SGTB: variants seen among roughly 807,000 people sequenced by gnomAD.
The protein encoded by SGTB is small glutamine rich tetratricopeptide repeat co-chaperone beta.
SGTB carries 19 observed loss-of-function variants against 43.9 expected under a neutral mutation model. The ratio of observed to expected loss-of-function variants is 0.43; its 90% CI spans 0.30 to 0.63. The LOEUF is 0.63. Ranked by LOEUF, SGTB falls within the 30% of genes least tolerant of loss-of-function variation. SGTB has a pLI of 0.12. For synonymous variants in SGTB, 116 were observed against 117.3 expected (o/e 0.99, Z 0.07); for missense variants, 304 against 358.9 (o/e 0.85, Z 1.24).
chr5:65,702,393 C>T (rs937628124), intron 5 of SGTB, among the ~76,000 whole-genome samples: 1 of 152,202 alleles, frequency 6.6e-6, no homozygotes, highest in African/African-American at 2.4e-5. Flanking sequence ...AATACCTAGA[C>T]TTCTCTCTTC....
intron 10 of SGTB, among the ~76,000 whole-genome samples, chr5:65,670,690 C>T (rs754868367): frequency 4.6e-5 from 7 of 152,112 alleles, no homozygotes; most frequent in South Asian, 4.1e-4. Context: ...TGCTTTTATA[C>T]CCAAGTCTTA....
At chr5:65,696,686 G>A (rs1223278038) in intron 5 of SGTB, among the ~76,000 whole-genome samples, 2 of 152,162 alleles carry the variant, frequency 1.3e-5, no homozygotes, top group Admixed American at 1.3e-4. Context: ...ATAAGCATAC[G>A]ATAAAACATA....
chr5:65,716,662 A>G (rs1236168382), intron 2 of SGTB, among the ~76,000 whole-genome samples: 2 of 152,192 alleles, frequency 1.3e-5, no homozygotes, highest in Non-Finnish European at 2.9e-5. Context: ...GGGAAATTGC[A>G]TACAGAACAG....
At chr5:65,697,290 T>C (rs1757732008) in intron 5 of SGTB, among the ~76,000 whole-genome samples, 1 of 152,222 alleles carries the variant, frequency 6.6e-6, no homozygotes, top group South Asian at 2.1e-4. Context: ...GCATAATTAT[T>C]GATTTCAGTT....
intron 5 of SGTB, among the ~76,000 whole-genome samples, chr5:65,691,800 G>A (rs1004418809): frequency 4.6e-5 from 7 of 151,322 alleles, no homozygotes; most frequent in African/African-American, 7.3e-5. Context: ...GCGTGGTGGC[G>A]GGCGCCTGTA....
rs754769964 is a variant in SGTB at position 65,680,644 on chromosome 5, T to C, written c.618+12A>G. On this transcript the variant is annotated intron_variant, in intron 7 of 10. Coordinates refer to ENST00000381007, the MANE Select transcript of SGTB (RefSeq NM_019072.3). ...CAGAAAATACTTCACTCATTTGGCA[T>C]TAACAACTTACAGGACTGGATACCT... 3.0e-5 allele frequency: 48 copies of C among 1,613,970 alleles called. No homozygotes were observed. Among genetic ancestry groups the C allele is most frequent in the Non-Finnish European group, 4.0e-5 (47 of 1,179,962 alleles).
chr5:65,707,636 A>T (rs537962834), intron 4 of SGTB, among the ~76,000 whole-genome samples: 28 of 151,928 alleles, frequency 1.8e-4, no homozygotes, highest in African/African-American at 6.8e-4. Flanking sequence ...GGTTTCACCG[A>T]GTTGGCCAGG....
At chr5:65,714,017 G>A (rs893175862) in intron 2 of SGTB, among the ~76,000 whole-genome samples, 2 of 152,000 alleles carry the variant, frequency 1.3e-5, no homozygotes, top group African/African-American at 4.8e-5. Context: ...TCTCACTACT[G>A]CACTCCAGTA....
intron 3 of SGTB, among the ~76,000 whole-genome samples, chr5:65,710,287 A>C (rs964746323): frequency 6.6e-6 from 1 of 152,204 alleles, no homozygotes; most frequent in Non-Finnish European, 1.5e-5. Context: ...CATGGGAAAA[A>C]GTGATTTGGG....
Position 65,698,669 on chromosome 5 carries a change from A to C in SGTB, c.374+5610T>G, listed in dbSNP as rs1561160760. On this transcript the variant is annotated intron_variant, in intron 5 of 10. Transcript: ENST00000381007. ...AGGACTAATACCCAGAATCTACAAG[A>C]AACTCAAACAAATCGGCAAGAAAAA... Among the ~76,000 whole-genome samples the C allele has an allele frequency of 2.0e-5, 3 of 152,182 alleles. 1 individual carries two copies. The highest frequency in any genetic ancestry group is 1.3e-4 in the Admixed American group (2 of 15,272).
chr5:65,682,235 C>T (rs993923711), intron 6 of SGTB, among the ~76,000 whole-genome samples: 8 of 152,110 alleles, frequency 5.3e-5, no homozygotes, highest in African/African-American at 1.7e-4. Context: ...AGGAACAGGA[C>T]AAGGGCTGAT....
intron 8 of SGTB, among the ~76,000 whole-genome samples, chr5:65,679,749 G>A (rs1757357923): frequency 1.3e-5 from 2 of 152,274 alleles, no homozygotes; most frequent in African/African-American, 4.8e-5. Context: ...GTGGAAGACA[G>A]TGTGGTGATT....
chr5:65,718,871 ATT>A (rs1463755040), intron 2 of SGTB, among the ~76,000 whole-genome samples: 5 of 152,026 alleles, frequency 3.3e-5, no homozygotes, highest in Non-Finnish European at 7.4e-5. Flanking sequence ...AAAACCCTCA[ATT>A]TTCTTTCTGG....
intron 8 of SGTB, among the ~76,000 whole-genome samples, chr5:65,674,649 G>C (rs1276513938): frequency 6.6e-6 from 1 of 152,070 alleles, no homozygotes; most frequent in Non-Finnish European, 1.5e-5. Flanking sequence ...TTTTTTATGA[G>C]TCACAAAACA....
upstream of SGTB, chr5:65,722,319 G>T: frequency 6.8e-7 from 1 of 1,462,652 alleles, no homozygotes. Flanking sequence ...CGCCCGCCTC[G>T]CCGCCCCACG....
At chr5:65,709,566 A>G (rs1459720542) in intron 3 of SGTB, among the ~76,000 whole-genome samples, 1 of 152,004 alleles carries the variant, frequency 6.6e-6, no homozygotes, top group African/African-American at 2.4e-5. Context: ...TTTCGTAAAG[A>G]TGGGGTTTTA....
At chr5:65,686,382 C>T (rs1490562311) in intron 5 of SGTB, among the ~76,000 whole-genome samples, 1 of 152,168 alleles carries the variant, frequency 6.6e-6, no homozygotes, top group Admixed American at 6.5e-5. Context: ...TGAACTTAGG[C>T]TCCTTCATGT....
chr5:65,691,934 G>GA (rs70983684), intron 5 of SGTB, among the ~76,000 whole-genome samples: 11,473 of 89,828 alleles, frequency 0.13, 489 homozygotes, highest in East Asian at 0.16. Context: ...TCGTCTTAAA[G>GA]AAAAAAAAAA....
At chr5:65,715,785 T>A (rs948173235) in intron 2 of SGTB, among the ~76,000 whole-genome samples, 1 of 152,210 alleles carries the variant, frequency 6.6e-6, no homozygotes, top group Non-Finnish European at 1.5e-5. Context: ...TGTTGTTGTT[T>A]TTGAGACGGA....
Sources: allele counts gnomAD v4.1 joint callset (sites outside exome capture counted in the v4.1 genomes callset), GRCh38; gene constraint gnomAD v4.1.1; transcripts MANE v1.5; gene names NCBI Gene and HGNC (gene_info 2026-07-23, HGNC 2026-07-21).